Variants in DNAH11 observed in about 807,000 individuals in gnomAD.
DNAH11 encodes the protein axonemal beta dynein heavy chain 11.
A neutral mutation model predicts 526.0 loss-of-function variants in DNAH11; 442 were observed. The ratio of observed to expected loss-of-function variants is 0.84; its 90% CI spans 0.78 to 0.91. The LOEUF (loss-of-function observed/expected upper bound fraction) is 0.91, where lower values mean the gene tolerates loss of function less well. Ranked by LOEUF, DNAH11 falls within the 40% of genes least tolerant of loss-of-function variation. The probability of loss-of-function intolerance (pLI) is 0.00; values close to 1 mark genes in which losing one functional copy is unlikely to be tolerated. For synonymous variants in DNAH11, 2,461 were observed against 1,935.9 expected (o/e 1.27, Z -7.12); for missense variants, 6,989 against 5,448.7 (o/e 1.28, Z -8.90).
intron 74 of DNAH11, among the ~76,000 whole-genome samples, chr7:21,879,854 C>G (rs1293537029): frequency 6.6e-6 from 1 of 152,032 alleles, no homozygotes; most frequent in African/African-American, 2.4e-5. Context: ...GGAGGCCGAG[C>G]AGGGTGGATC....
intron 14 of DNAH11, among the ~76,000 whole-genome samples, chr7:21,597,802 A>G (rs1040411579): frequency 2.0e-5 from 3 of 152,204 alleles, no homozygotes; most frequent in African/African-American, 7.2e-5. Flanking sequence ...AGGAGACTTA[A>G]CAAGATGGTC....
At position 21,849,049 on chromosome 7, in the gene DNAH11, C is replaced by G. The variant is rs538086085; in HGVS notation, c.10897-3418C>G. ...TACAGGCATGTACCGCCATGCCCAG[C>G]TAATTTTGTATTTTTAGTAGAGATG... On this transcript the variant is annotated intron_variant, in intron 66 of 81. Transcript: ENST00000409508. 2.2e-3 allele frequency among the ~76,000 whole-genome samples: 329 copies of G among 152,258 alleles called. 2 individuals carry two copies. Among genetic ancestry groups the G allele is most frequent in the Non-Finnish European group, 1.2e-3 (84 of 68,012 alleles).
intron 68 of DNAH11, among the ~76,000 whole-genome samples, chr7:21,855,540 T>C (rs1782811724): frequency 6.6e-6 from 1 of 152,218 alleles, no homozygotes; most frequent in African/African-American, 2.4e-5. Flanking sequence ...AATATCCCCA[T>C]TTAAAAAATA....
intron 76 of DNAH11, among the ~76,000 whole-genome samples, chr7:21,891,098 G>A (rs1284637920): frequency 1.3e-5 from 2 of 152,124 alleles, no homozygotes; most frequent in African/African-American, 4.8e-5. Context: ...CACTTACTTT[G>A]TCCTCTTTAG....
intron 64 of DNAH11, 42 bp downstream of exon 64, chr7:21,816,744 G>C (rs776762381): frequency 1.3e-6 from 2 of 1,538,776 alleles, no homozygotes; most frequent in Non-Finnish European, 1.8e-6. Flanking sequence ...TTTACCTGCT[G>C]TGAAGTGGGT....
chr7:21,628,159 C>G (rs1271003879), intron 25 of DNAH11, among the ~76,000 whole-genome samples: 17 of 151,842 alleles, frequency 1.1e-4, no homozygotes, highest in Non-Finnish European at 1.9e-4. Flanking sequence ...CTTGCGTAAA[C>G]TTGTTTATCA....
At position 21,681,167 on chromosome 7, in the gene DNAH11, C is replaced by G. The variant is rs139050326; in HGVS notation, c.5329-379C>G. 2.2e-3 allele frequency among the ~76,000 whole-genome samples: 342 copies of G among 152,218 alleles called. 5 individuals are homozygous for G. Among genetic ancestry groups the G allele is most frequent in the African/African-American group, 7.7e-3 (319 of 41,528 alleles). On this transcript the variant is annotated intron_variant, in intron 30 of 81. Coordinates refer to ENST00000409508, the MANE Select transcript of DNAH11 (RefSeq NM_001277115.2). ...TGTGGCCAGGCGTGGTGGCTCATGCCTGTAATCCCAGCATTTTGGGAGGCC... is the reference window on the plus strand; with the variant it reads ...TGTGGCCAGGCGTGGTGGCTCATGCGTGTAATCCCAGCATTTTGGGAGGCC...
intron 66 of DNAH11, among the ~76,000 whole-genome samples, chr7:21,843,076 G>A (rs1782277166): frequency 1.3e-5 from 2 of 152,120 alleles, no homozygotes; most frequent in South Asian, 4.1e-4. Flanking sequence ...GCTAAAGAAT[G>A]AAAAAGAGGT....
chr7:21,818,937 C>T (rs888187375), intron 65 of DNAH11, among the ~76,000 whole-genome samples: 13 of 152,098 alleles, frequency 8.5e-5, no homozygotes, highest in African/African-American at 3.1e-4. Context: ...GACTGCCATT[C>T]CCCCAAGACA....
chr7:21,730,737 G>A (rs1026605219), intron 45 of DNAH11, among the ~76,000 whole-genome samples: 3 of 152,122 alleles, frequency 2.0e-5, no homozygotes, highest in African/African-American at 7.2e-5. Context: ...ATTTCAGTTA[G>A]GAGAAATAAG....
chr7:21,691,635 A>T (rs1306563789), intron 35 of DNAH11, among the ~76,000 whole-genome samples: 1 of 152,198 alleles, frequency 6.6e-6, no homozygotes, highest in African/African-American at 2.4e-5. Flanking sequence ...CTCCTTTTAT[A>T]ATTTATATTT....
chr7:21,778,852 A>G, intron 56 of DNAH11, 106 bp from the exon 57 acceptor site: 1 of 1,360,842 alleles, frequency 7.3e-7, no homozygotes, highest in Non-Finnish European at 1.0e-6. Context: ...GACAGATGCA[A>G]GATACAAATT....
rs1290519483 is a variant in DNAH11 at position 21,735,791 on chromosome 7, A to T, written c.7592A>T (p.Tyr2531Phe). 2 of 1,614,020 alleles carry T rather than the reference A, an allele frequency of 1.2e-6. No individual in the cohort carries two copies. Among genetic ancestry groups the T allele is most frequent in the Non-Finnish European group, 1.7e-6 (2 of 1,179,882 alleles). The change falls in exon 46 of 82, where the codon TAC becomes TTC. Residue 2531 changes from tyrosine to phenylalanine, a missense_variant. By Grantham distance (22) the Tyr-to-Phe change is conservative. Coordinates refer to ENST00000409508, the MANE Select transcript of DNAH11 (RefSeq NM_001277115.2). ...ACATTGGCAAGTCTCTCTGAGGATT[A>T]CATAGTATCCCGTGTGCCTTTCAAC... ...GDTLASLSEDYIVSRVPFNYY... is the reference protein window; with the variant it reads ...GDTLASLSEDFIVSRVPFNYY...
chr7:21,807,934 C>T lies in DNAH11; in HGVS notation c.10217C>T (p.Thr3406Ile). The T allele has an allele frequency of 6.2e-7, 1 of 1,609,616 alleles. No homozygotes were observed. Among genetic ancestry groups the T allele is most frequent in the Non-Finnish European group, 8.5e-7 (1 of 1,176,876 alleles). ...AAGTCCTTTGAAGCTCAAGAGAAGACACTCTGTGGAGATGTTCTTCTCACG... is the reference window on the plus strand; with the variant it reads ...AAGTCCTTTGAAGCTCAAGAGAAGATACTCTGTGGAGATGTTCTTCTCACG... ...SIKSFEAQEK[T>I]LCGDVLLTAA... Residue 3406 changes from threonine (T) to isoleucine (I), a missense_variant, in exon 63 of 82, where the codon ACA becomes ATA. Coordinates refer to ENST00000409508, the MANE Select transcript of DNAH11 (RefSeq NM_001277115.2).
chr7:21,711,640 A>G, intron 41 of DNAH11, 72 bp from the exon 42 acceptor site: 1 of 1,553,120 alleles, frequency 6.4e-7, no homozygotes, highest in Non-Finnish European at 8.7e-7. Flanking sequence ...CTGGTAGGGG[A>G]AAGTACTTGT....
Position 21,815,428 on chromosome 7 carries a change from A to G in DNAH11, c.10333-1039A>G, listed in dbSNP as rs139208896. ...AACATTGTAGTCAGAGGCAGTAAGA[A>G]TATTGTGCTACTTTTCCTATATTCG... On this transcript the variant is annotated intron_variant, in intron 63 of 81. Coordinates refer to ENST00000409508, the MANE Select transcript of DNAH11 (RefSeq NM_001277115.2). Among the ~76,000 whole-genome samples, 245 of 152,322 alleles carry G rather than the reference A, an allele frequency of 1.6e-3. 1 individual carries two copies. In the Middle Eastern group the frequency reaches 0.034, roughly 21 times the overall value.
chr7:21,830,808 A>C (rs1248170359), intron 65 of DNAH11, among the ~76,000 whole-genome samples: 18 of 152,340 alleles, frequency 1.2e-4, no homozygotes, highest in Admixed American at 1.2e-3. Context: ...TACTCAGAGA[A>C]ATAGGAGTAC....
chr7:21,844,232 C>CAACATGGTT (rs965502147), intron 66 of DNAH11, among the ~76,000 whole-genome samples: 51 of 152,260 alleles, frequency 3.3e-4, no homozygotes, highest in African/African-American at 1.2e-3. Flanking sequence ...TGAGACCAGC[C>CAACATGGTT]TGGCCAACAT....
At chr7:21,590,101 T>G (rs1037179632) in intron 12 of DNAH11, among the ~76,000 whole-genome samples, 2 of 152,194 alleles carry the variant, frequency 1.3e-5, no homozygotes, top group Non-Finnish European at 2.9e-5. Context: ...TCATATATTT[T>G]CTCAATTCTC....
Sources: allele counts gnomAD v4.1 joint callset (sites outside exome capture counted in the v4.1 genomes callset), GRCh38; gene constraint gnomAD v4.1.1; transcripts MANE v1.5; gene names NCBI Gene and HGNC (gene_info 2026-07-23, HGNC 2026-07-21).